Variants in OPRM1 observed in about 807,000 individuals in gnomAD.
OPRM1 encodes the protein opioid receptor mu 1, also known as mu-type opioid receptor.
A neutral mutation model predicts 31.8 loss-of-function variants in OPRM1; 27 were observed. The ratio of observed to expected loss-of-function variants is 0.85; its 90% CI spans 0.63 to 1.17. The LOEUF (loss-of-function observed/expected upper bound fraction) is 1.17. Ranked by LOEUF, OPRM1 falls within the 50% of genes most tolerant of loss-of-function variation. The probability of loss-of-function intolerance (pLI) is 0.00; values close to 1 mark genes in which losing one functional copy is unlikely to be tolerated. For missense variants in OPRM1, 536 were observed against 511.1 expected (o/e 1.05, Z -0.47); for synonymous variants, 196 against 189.9 (o/e 1.03, Z -0.26).
At chr6:154,171,917 C>T (rs188887026) in intron 3 of OPRM1, among the ~76,000 whole-genome samples, 80 of 152,260 alleles carry the variant, frequency 5.3e-4, no homozygotes, top group Admixed American at 1.3e-4. Context: ...AAACACATAG[C>T]TTTCAATACC....
chr6:154,201,108 C>T (rs185733784), intron 3 of OPRM1, among the ~76,000 whole-genome samples: 2 of 152,304 alleles, frequency 1.3e-5, no homozygotes, highest in Admixed American at 1.3e-4. Context: ...TTCCCCTTCG[C>T]CTTCCTCCAT....
At position 154,168,046 on chromosome 6, in the gene OPRM1, T is replaced by C. The variant is rs144797418; in HGVS notation, c.1164+76574T>C. On this transcript the variant is annotated intron_variant, in intron 3 of 3. Transcript: ENST00000337049. This position sits in a 1 kb window ranked among gnomAD's most constrained non-coding sequence, Gnocchi z 4.1. ...AAGGTCGTCGGTCCCCAAGAGGAGATAGACTAGCTTGCTCTAATGATTTGT... is the reference window on the plus strand; with the variant it reads ...AAGGTCGTCGGTCCCCAAGAGGAGACAGACTAGCTTGCTCTAATGATTTGT... The C allele has an allele frequency of 2.2e-5, 35 of 1,609,910 alleles. No individual in the cohort carries two copies. In the South Asian group the frequency reaches 3.5e-4, roughly 16 times the overall value.
chr6:154,214,671 G>A (rs1562545936), intron 3 of OPRM1, among the ~76,000 whole-genome samples: 1 of 152,072 alleles, frequency 6.6e-6, no homozygotes, highest in Non-Finnish European at 1.5e-5. Context: ...TCTTAATAAT[G>A]TCAGTTTATT....
intron 3 of OPRM1, among the ~76,000 whole-genome samples, chr6:154,212,358 C>CT (rs1778029816): frequency 6.6e-6 from 1 of 152,194 alleles, no homozygotes; most frequent in South Asian, 2.1e-4. Flanking sequence ...TCTGGCTCTC[C>CT]TTTTTTCTTT....
At chr6:154,214,408 G>C in intron 3 of OPRM1, 1 of 734,748 alleles carries the variant, frequency 1.4e-6, no homozygotes. Context: ...AAGAGCATAA[G>C]TTTGTGCCAT....
intron 3 of OPRM1, among the ~76,000 whole-genome samples, chr6:154,109,975 T>A (rs1386379756): frequency 1.3e-5 from 2 of 152,150 alleles, no homozygotes; most frequent in African/African-American, 2.4e-5. Flanking sequence ...CCACTGTAGA[T>A]CATCAGTCCC....
In OPRM1 at chr6:154,116,887, G is replaced by C. The variant is rs540177270; in HGVS notation, c.1165-1796G>C. ...ACTTCTTTCCTTTCTCTCTCCCCTT[G>C]GATCTGCATCTTGGTACTCTCTGTG... On this transcript the variant is annotated intron_variant, in intron 3 of 3. Transcript: ENST00000330432. 7.9e-5 allele frequency among the ~76,000 whole-genome samples: 12 copies of C among 152,142 alleles called. No homozygotes were observed. The South Asian group carries it at 1.0e-3, about 13-fold the overall frequency.
At chr6:154,181,281 C>T (rs1017407424) in intron 3 of OPRM1, among the ~76,000 whole-genome samples, 1 of 152,038 alleles carries the variant, frequency 6.6e-6, no homozygotes, top group African/African-American at 2.4e-5. Context: ...TATTTTTGTT[C>T]CTGTTGGGTA....
intron 3 of OPRM1, among the ~76,000 whole-genome samples, chr6:154,223,662 T>C (rs1421489080): frequency 2.0e-5 from 3 of 152,226 alleles, no homozygotes; most frequent in African/African-American, 7.2e-5. Flanking sequence ...TCTTGATATA[T>C]ATGGTGCCCA....
chr6:154,086,686 T>G (rs909046599), intron 1 of OPRM1: 1 of 985,274 alleles, frequency 1.0e-6, no homozygotes. Flanking sequence ...GTTGGAAGTA[T>G]GATGAGTCAG....
chr6:154,106,330 G>A (rs1329269392), intron 3 of OPRM1, among the ~76,000 whole-genome samples: 1 of 152,110 alleles, frequency 6.6e-6, no homozygotes, highest in African/African-American at 2.4e-5. Context: ...TGGTAAATTT[G>A]AGATTTTAGT....
intron 3 of OPRM1, among the ~76,000 whole-genome samples, chr6:154,163,353 A>G (rs1379757978): frequency 2.0e-5 from 3 of 152,156 alleles, no homozygotes; most frequent in Non-Finnish European, 4.4e-5. Flanking sequence ...GCCTCAGAGA[A>G]CCTCAAGCCT....
chr6:154,049,025 A>T (rs1015771455), intron 1 of OPRM1, among the ~76,000 whole-genome samples: 4 of 152,224 alleles, frequency 2.6e-5, no homozygotes, highest in African/African-American at 4.8e-5. Context: ...GCCTCTGATT[A>T]TAAAATTTTC....
In OPRM1 at chr6:154,168,752, C is replaced by T. The variant is rs1391931435; in HGVS notation, c.1164+77280C>T. Among the ~76,000 whole-genome samples the T allele has an allele frequency of 1.3e-5, 2 of 151,938 alleles. No individual in the cohort carries two copies. On this transcript the variant is annotated intron_variant, in intron 3 of 3. Transcript: ENST00000337049. The surrounding 1 kb of genome is among the most constrained non-coding windows in gnomAD (Gnocchi z 4.1). ...TCCCAAGTAGCTGGGATTACAGGCA[C>T]CTGCCACCATGCCCGGCTCATTTTT... is the stretch of plus-strand genomic sequence containing the variant.
intron 3 of OPRM1, among the ~76,000 whole-genome samples, chr6:154,113,743 G>C (rs1399134004): frequency 6.6e-6 from 1 of 152,212 alleles, no homozygotes; most frequent in African/African-American, 2.4e-5. Flanking sequence ...ACACGGATGA[G>C]GATGATAAAT....
At chr6:154,136,945 T>C (rs1358795678), downstream of OPRM1, among the ~76,000 whole-genome samples, 1 of 152,228 alleles carries the variant, frequency 6.6e-6, no homozygotes, top group African/African-American at 2.4e-5. Context: ...CTTTTAATGA[T>C]AACAAAAATT....
At chr6:154,114,250 C>T (rs1472239836) in intron 3 of OPRM1, among the ~76,000 whole-genome samples, 4 of 152,188 alleles carry the variant, frequency 2.6e-5, no homozygotes, top group Non-Finnish European at 4.4e-5. Context: ...ATTTTCTTTA[C>T]CGTCTAGGAT....
intron 3 of OPRM1, chr6:154,157,040 T>G (rs1798745654): frequency 6.6e-6 from 1 of 152,254 alleles, no homozygotes; most frequent in Non-Finnish European, 1.5e-5. Flanking sequence ...GAATTGGCCC[T>G]TGGACCCCAG....
intron 3 of OPRM1, among the ~76,000 whole-genome samples, chr6:154,116,603 A>G (rs1183341413): frequency 6.6e-6 from 1 of 151,972 alleles, no homozygotes; most frequent in African/African-American, 2.4e-5. Flanking sequence ...AAAAAAAAGA[A>G]AAGAAAAGAA....
Sources: gnomAD v4.1 joint callset for allele counts (sites outside exome capture counted in the v4.1 genomes callset) on GRCh38, gnomAD v4.1.1 for gene constraint, Gnocchi (gnomAD v3.1) non-coding constraint, MANE v1.5 for transcripts, NCBI Gene and HGNC (gene_info 2026-07-23, HGNC 2026-07-21) for gene names.